TRHDE: variants seen among roughly 807,000 people sequenced by gnomAD.
TRHDE encodes thyrotropin-releasing hormone-degrading ectoenzyme.
TRHDE carries 72 observed loss-of-function variants against 125.7 expected under a neutral mutation model. The observed-to-expected ratio is 0.57, with a 90% CI of 0.47 to 0.70. TRHDE has a LOEUF of 0.70. Among genes scored for constraint, TRHDE ranks in the 30% least tolerant of loss-of-function variants. TRHDE has a pLI of 0.00. For synonymous variants in TRHDE, 509 were observed against 509.1 expected, an observed-to-expected ratio of 1.00 and a Z score of 0.00; for missense variants, 1,110 against 1,327.1, an observed-to-expected ratio of 0.84 and a Z score of 2.54.
chr12:72,427,343 A>G (rs933945016), intron 3 of TRHDE, among the ~76,000 whole-genome samples: 2 of 151,960 alleles, frequency 1.3e-5, no homozygotes, highest in African/African-American at 4.8e-5. Flanking sequence ...GCTCTTTAAC[A>G]TCTCTTTTCC....
At chr12:72,404,297 TG>T (rs1032799181) in intron 3 of TRHDE, among the ~76,000 whole-genome samples, 2 of 151,976 alleles carry the variant, frequency 1.3e-5, no homozygotes, top group Non-Finnish European at 2.9e-5. Context: ...CTGGGCATGG[TG>T]ACACACACCT....
At chr12:72,349,186 A>G (rs1286862603) in intron 2 of TRHDE, among the ~76,000 whole-genome samples, 2 of 152,068 alleles carry the variant, frequency 1.3e-5, no homozygotes, top group Non-Finnish European at 2.9e-5. Flanking sequence ...CATTTTTCCT[A>G]TGAATATCTT....
intron 2 of TRHDE, among the ~76,000 whole-genome samples, chr12:72,247,228 T>A (rs1044967084): frequency 1.3e-5 from 2 of 152,172 alleles, no homozygotes; most frequent in African/African-American, 4.8e-5. Context: ...TACTGCATTG[T>A]CTAGGAAATA....
chr12:72,333,253 C>T (rs1419817206), intron 2 of TRHDE, among the ~76,000 whole-genome samples: 2 of 152,106 alleles, frequency 1.3e-5, no homozygotes, highest in African/African-American at 4.8e-5. Flanking sequence ...CAGATTAAAT[C>T]AGAAAATATA....
At chr12:72,403,881 C>T (rs1873151770) in intron 3 of TRHDE, among the ~76,000 whole-genome samples, 1 of 151,982 alleles carries the variant, frequency 6.6e-6, no homozygotes, top group Non-Finnish European at 1.5e-5. Context: ...GGGGGTAGGT[C>T]ATAGTTGAAG....
intron 3 of TRHDE, among the ~76,000 whole-genome samples, chr12:72,447,436 G>A (rs139697068): frequency 8.6e-4 from 131 of 151,940 alleles, no homozygotes; most frequent in African/African-American, 3.0e-3. Context: ...AATTGACACC[G>A]ATTGTGCATT....
rs759685172 is a variant in TRHDE, at chr12:72,575,559, A to G, written c.2321+17A>G. Reference sequence around the variant, plus strand: ...CCTAGCCAGGTATGTTTTCCTGTGGATCTCCCCAATAAAAACTTGTGCCTG... The same window carrying G: ...CCTAGCCAGGTATGTTTTCCTGTGGGTCTCCCCAATAAAAACTTGTGCCTG... On this transcript the variant is annotated intron_variant, in intron 12 of 18. Transcript: ENST00000261180. The G allele has an allele frequency of 1.9e-6, 3 of 1,612,882 alleles. No homozygotes were observed. Among genetic ancestry groups the G allele is most frequent in the Admixed American group, 3.3e-5 (2 of 59,876 alleles).
intron 12 of TRHDE, among the ~76,000 whole-genome samples, chr12:72,617,168 A>C (rs1475047154): frequency 1.3e-5 from 2 of 152,026 alleles, no homozygotes; most frequent in Non-Finnish European, 2.9e-5. Context: ...ATCTAGATAC[A>C]CTCTAAATCA....
intron 3 of TRHDE, among the ~76,000 whole-genome samples, chr12:72,462,856 T>G (rs116130774): frequency 0.04 from 6,163 of 152,174 alleles, 448 homozygotes; most frequent in African/African-American, 0.14. Context: ...CCCCAACCCC[T>G]CAAACCTGGA....
At chr12:72,539,165 A>G (rs978203515) in intron 6 of TRHDE, among the ~76,000 whole-genome samples, 1 of 151,874 alleles carries the variant, frequency 6.6e-6, no homozygotes, top group Non-Finnish European at 1.5e-5. Flanking sequence ...GTCCCTCCAG[A>G]TATAACCTCT....
chr12:72,274,744 G>T (rs1026209671), intron 1 of TRHDE: 4 of 152,150 alleles, frequency 2.6e-5, no homozygotes, highest in African/African-American at 9.7e-5. Flanking sequence ...ATTCTAACTT[G>T]GGGATACCAA....
intron 17 of TRHDE, among the ~76,000 whole-genome samples, chr12:72,656,669 C>G (rs964869953): frequency 6.6e-6 from 1 of 152,016 alleles, no homozygotes; most frequent in African/African-American, 2.4e-5. Flanking sequence ...TAGAGGGCCC[C>G]TTTAAAAAAT....
chr12:72,223,287 T>A (rs1013019884), intron 2 of TRHDE, among the ~76,000 whole-genome samples: 19 of 152,130 alleles, frequency 1.2e-4, no homozygotes, highest in Non-Finnish European at 2.2e-4. Context: ...GGTGATGATA[T>A]CATGGAAGCT....
chr12:72,624,205 T>C (rs1873165559), intron 15 of TRHDE, among the ~76,000 whole-genome samples: 2 of 151,940 alleles, frequency 1.3e-5, no homozygotes. Flanking sequence ...AATCCTGTAG[T>C]TGGTGCTGAG....
At chr12:72,532,673 C>G (rs1868617778) in intron 6 of TRHDE, among the ~76,000 whole-genome samples, 2 of 151,194 alleles carry the variant, frequency 1.3e-5, no homozygotes, top group Admixed American at 6.6e-5. Flanking sequence ...TTTGTCTCCA[C>G]TATTAATGCA....
At chr12:72,383,527 C>T (rs1426088370) in intron 3 of TRHDE, among the ~76,000 whole-genome samples, 1 of 151,656 alleles carries the variant, frequency 6.6e-6, no homozygotes, top group African/African-American at 2.4e-5. Flanking sequence ...TAGGCATGTG[C>T]CACCACACCC....
intron 12 of TRHDE, among the ~76,000 whole-genome samples, chr12:72,581,473 T>C (rs73353856): frequency 0.013 from 1,937 of 152,286 alleles, 40 homozygotes; most frequent in African/African-American, 0.045. Context: ...ATCATAAATA[T>C]CATCATAGTC....
At chr12:72,194,707 T>A (rs904352550) in intron 2 of TRHDE, among the ~76,000 whole-genome samples, 1 of 152,162 alleles carries the variant, frequency 6.6e-6, no homozygotes, top group Non-Finnish European at 1.5e-5. Context: ...AAGGACATGA[T>A]TCCATTCCTT....
chr12:72,401,975 AC>A (rs1873061753), intron 3 of TRHDE, among the ~76,000 whole-genome samples: 1 of 152,106 alleles, frequency 6.6e-6, no homozygotes, highest in Non-Finnish European at 1.5e-5. Context: ...CATTATACTT[AC>A]CTTTTTTTGA....
Sources: allele counts gnomAD v4.1 joint callset (sites outside exome capture counted in the v4.1 genomes callset), GRCh38; gene constraint gnomAD v4.1.1; transcripts MANE v1.5; gene names NCBI Gene and HGNC (gene_info 2026-07-23, HGNC 2026-07-21).